AQP8: variants seen among roughly 807,000 people sequenced by gnomAD.
The protein encoded by AQP8 is aquaporin 8.
A neutral mutation model predicts 26.1 loss-of-function variants in AQP8; 14 were observed. The ratio of observed to expected loss-of-function variants is 0.54; its 90% CI spans 0.35 to 0.84. AQP8 has a LOEUF of 0.84. AQP8 is among the 40% of genes least tolerant of loss of function. The pLI is 0.01. For synonymous variants in AQP8, 131 were observed against 150.7 expected, an observed-to-expected ratio of 0.87 and a Z score of 0.96; for missense variants, 301 against 340.5, an observed-to-expected ratio of 0.88 and a Z score of 0.91.
At chr16:25,217,639 G>A (rs1021476717) in intron 2 of AQP8, among the ~76,000 whole-genome samples, 194 bp downstream of exon 2, 1 of 152,246 alleles carries the variant, frequency 6.6e-6, no homozygotes, top group Non-Finnish European at 1.5e-5. Context: ...CTTTGAGCAA[G>A]TCATTCTCTT....
chr16:25,217,249 G>A lies in AQP8; in HGVS notation c.64G>A (p.Val22Met), dbSNP rs201271698. 41 of 1,614,244 alleles carry A rather than the reference G, an allele frequency of 2.5e-5. No individual in the cohort carries two copies. The Admixed American group carries it at 3.7e-4, about 14-fold the overall frequency. ...CAATGACAAGGCCAGGGAGCCGAGC[G>A]TGGGTGGCAGGTGGCGAGTGTCCTG... is the stretch of plus-strand genomic sequence containing the variant. The part of the protein sequence containing the change: ...FGNDKAREPS[V>M]GGRWRVSWYE... The change falls in exon 2 of 6, where the codon GTG becomes ATG. Residue 22 changes from valine to methionine, a missense_variant. Physicochemically the swap from Val to Met is conservative, Grantham distance 21 (BLOSUM62 1). Coordinates refer to ENST00000219660, the MANE Select transcript of AQP8 (RefSeq NM_001169.3).
intron 4 of AQP8, among the ~76,000 whole-genome samples, chr16:25,225,552 G>T: frequency 6.6e-6 from 1 of 151,172 alleles, no homozygotes; most frequent in African/African-American, 2.4e-5. Flanking sequence ...GACTACAGGC[G>T]TCCGCCACCA....
At position 25,227,072 on chromosome 16, in the gene AQP8, C is replaced by T; in HGVS notation, c.607C>T (p.Pro203Ser). 1 of 1,613,908 alleles carries T rather than the reference C, an allele frequency of 6.2e-7. No homozygotes were observed. The highest frequency in any genetic ancestry group is 8.5e-7 in the Non-Finnish European group (1 of 1,180,014). Residue 203 changes from proline to serine, a missense_variant, in exon 5 of 6, where the codon CCT becomes TCT. Pro to Ser is a moderately conservative substitution (Grantham distance 74). Transcript: ENST00000219660. ...TTGGTGCCTGGGTGTTTGCAGGGGCCCTGTGTCTGGAGGCTGCATGAATCC... is the reference window on the plus strand; with the variant it reads ...TTGGTGCCTGGGTGTTTGCAGGGGCTCTGTGTCTGGAGGCTGCATGAATCC... Reference protein sequence around the residue: ...AVTVDILAGGPVSGGCMNPAR... With the variant: ...AVTVDILAGGSVSGGCMNPAR...
intron 2 of AQP8, among the ~76,000 whole-genome samples, chr16:25,220,511 C>T (rs1962547909): frequency 6.6e-6 from 1 of 152,186 alleles, no homozygotes; most frequent in Admixed American, 6.5e-5. Context: ...GGCTGATCAA[C>T]TGCAACCTGC....
At chr16:25,223,845 G>A (rs1338546079) in intron 3 of AQP8, among the ~76,000 whole-genome samples, 1 of 102,796 alleles carries the variant, frequency 9.7e-6, no homozygotes, top group Non-Finnish European at 1.9e-5. Flanking sequence ...TTTTTTTTTT[G>A]AGACGGAGTC....
At chr16:25,226,243 C>T (rs1052197747) in intron 4 of AQP8, among the ~76,000 whole-genome samples, 8 of 150,792 alleles carry the variant, frequency 5.3e-5, no homozygotes, top group South Asian at 4.2e-4. Context: ...TTATACTCTT[C>T]GTTATTTTAT....
chr16:25,220,471 C>G (rs73551017), intron 2 of AQP8, among the ~76,000 whole-genome samples: 1 of 152,084 alleles, frequency 6.6e-6, no homozygotes. Context: ...TTGGTGAACA[C>G]GAAGGCTCTT....
intron 3 of AQP8, among the ~76,000 whole-genome samples, chr16:25,222,497 G>A (rs1409705056): frequency 6.6e-6 from 1 of 152,074 alleles, no homozygotes; most frequent in African/African-American, 2.4e-5. Context: ...ATGAGCCACC[G>A]AGCCTGGCCA....
chr16:25,223,186 C>T (rs906959608), intron 3 of AQP8, among the ~76,000 whole-genome samples: 4 of 152,202 alleles, frequency 2.6e-5, no homozygotes, highest in African/African-American at 7.2e-5. Context: ...CAAGTTCAGA[C>T]GTGCCTGTAA....
At chr16:25,223,210 G>A (rs772128664) in intron 3 of AQP8, among the ~76,000 whole-genome samples, 8 of 152,330 alleles carry the variant, frequency 5.3e-5, no homozygotes, top group African/African-American at 1.7e-4. Flanking sequence ...GCACAGCCCC[G>A]ACTGGATCCA....
At chr16:25,217,146 T>C in intron 1 of AQP8, 52 bp from the exon 2 acceptor site, 1 of 1,613,350 alleles carries the variant, frequency 6.2e-7, no homozygotes, top group Non-Finnish European at 8.5e-7. Flanking sequence ...GGGCCTTCTA[T>C]ATCTGGACTT....
Position 25,217,202 on chromosome 16 carries a change from C to G in AQP8, c.17C>G (p.Ala6Gly), listed in dbSNP as rs1308659812. Residue 6 changes from alanine to glycine, a missense_variant, in exon 2 of 6, where the codon GCC becomes GGC. By Grantham distance (60) the Ala-to-Gly change is moderately conservative. Coordinates refer to ENST00000219660, the MANE Select transcript of AQP8 (RefSeq NM_001169.3). The part of the protein sequence containing the change: MSGEI[A>G]MCEPEFGNDK... Reference sequence around the variant, plus strand: ...GTCCCTTTTTCCCTACGGCAGATAGCCATGTGTGAGCCTGAATTTGGCAAT... The same window carrying G: ...GTCCCTTTTTCCCTACGGCAGATAGGCATGTGTGAGCCTGAATTTGGCAAT... 6.2e-7 allele frequency: 1 copy of G among 1,614,146 alleles called. No individual in the cohort carries two copies. The highest frequency in any genetic ancestry group is 1.1e-5 in the South Asian group (1 of 91,082).
At position 25,217,389 on chromosome 16, in the gene AQP8, G is replaced by A. The variant is rs1431179053; in HGVS notation, c.204G>A (p.Pro68=). 5.0e-6 allele frequency: 8 copies of A among 1,613,982 alleles called. No homozygotes were observed. The highest frequency in any genetic ancestry group is 3.3e-5 in the Admixed American group (2 of 59,998). The change falls in exon 2 of 6, where the codon CCG becomes CCA. Residue 68 remains proline (P), a synonymous_variant. Coordinates refer to ENST00000219660, the MANE Select transcript of AQP8 (RefSeq NM_001169.3). ...GGACGGACACTGGGCTGCTGCAGCCGGCCCTGGCCCACGGGCTGGCTTTGG... is the reference window on the plus strand; with the variant it reads ...GGACGGACACTGGGCTGCTGCAGCCAGCCCTGGCCCACGGGCTGGCTTTGG... ...ENGTDTGLLQ[P]ALAHGLALGL...
At chr16:25,217,767 A>G (rs1962508438) in intron 2 of AQP8, among the ~76,000 whole-genome samples, 1 of 152,122 alleles carries the variant, frequency 6.6e-6, no homozygotes, top group Non-Finnish European at 1.5e-5. Context: ...GTCTCAAGCG[A>G]TCCTCCTGCC....
chr16:25,225,386 G>A (rs540248316), intron 4 of AQP8, among the ~76,000 whole-genome samples: 65 of 152,240 alleles, frequency 4.3e-4, no homozygotes, highest in African/African-American at 1.5e-3. Flanking sequence ...TTGGGAGGTG[G>A]AGCCTGGGGC....
At chr16:25,223,651 G>A (rs186261870) in intron 3 of AQP8, among the ~76,000 whole-genome samples, 1 of 152,310 alleles carries the variant, frequency 6.6e-6, no homozygotes, top group East Asian at 1.9e-4. Context: ...CCAGGCTGCA[G>A]TGAGCTATGA....
chr16:25,217,326 C>T lies in AQP8; in HGVS notation c.141C>T (p.Leu47=). Residue 47 remains leucine (L), a synonymous_variant, in exon 2 of 6, where the codon CTC becomes CTT. Coordinates refer to ENST00000219660, the MANE Select transcript of AQP8 (RefSeq NM_001169.3). The stretch of plus-strand genomic sequence containing the variant: ...TGGTCGAACTGCTGGGCTCTGCTCT[C>T]TTCATCTTCATCGGGTGCCTGTCGG... ...PCLVELLGSA[L]FIFIGCLSVI... The T allele has an allele frequency of 6.2e-7, 1 of 1,614,110 alleles. No individual in the cohort carries two copies. Among genetic ancestry groups the T allele is most frequent in the Non-Finnish European group, 8.5e-7 (1 of 1,180,014 alleles).
chr16:25,218,807 A>AG (rs1047837539), intron 2 of AQP8, among the ~76,000 whole-genome samples: 1 of 151,132 alleles, frequency 6.6e-6, no homozygotes, highest in African/African-American at 2.4e-5. Flanking sequence ...TTGAACTGGG[A>AG]GGGAGAGGTT....
Position 25,224,534 on chromosome 16 carries a change from C to A in AQP8, c.560C>A (p.Pro187Gln), listed in dbSNP as rs776008376. 1.2e-6 allele frequency: 2 copies of A among 1,613,558 alleles called. No individual in the cohort carries two copies. Among genetic ancestry groups the A allele is most frequent in the Non-Finnish European group, 8.5e-7 (1 of 1,179,976 alleles). Reference protein sequence around the residue: ...INEKTKGPLAPFSIGFAVTVD... With the variant: ...INEKTKGPLAQFSIGFAVTVD... ...GAGAAGACAAAGGGCCCTCTGGCCC[C>A]GTTCTCCATCGGCTTTGCCGTCACC... The change falls in exon 4 of 6, where the codon CCG becomes CAG. Residue 187 changes from proline (P) to glutamine (Q), a missense_variant. Coordinates refer to ENST00000219660, the MANE Select transcript of AQP8 (RefSeq NM_001169.3).
Sources: gnomAD v4.1 joint callset for allele counts (sites outside exome capture counted in the v4.1 genomes callset) on GRCh38, gnomAD v4.1.1 for gene constraint, MANE v1.5 for transcripts, NCBI Gene and HGNC (gene_info 2026-07-23, HGNC 2026-07-21) for gene names.